The following RAD51B variants were observed in gnomAD, a reference collection of about 807,000 sequenced individuals.
RAD51B encodes DNA repair protein RAD51 homolog 2.
In RAD51B, 38 loss-of-function variants were observed where a neutral mutation model predicts 42.2. The observed-to-expected ratio is 0.90, with a 90% CI of 0.70 to 1.18. The LOEUF (loss-of-function observed/expected upper bound fraction) is 1.18. Among genes scored for constraint, RAD51B ranks in the 50% most tolerant of loss-of-function variants. The probability of loss-of-function intolerance (pLI) is 0.00; values close to 1 mark genes in which losing one functional copy is unlikely to be tolerated. For missense variants in RAD51B, 373 were observed against 400.7 expected, an observed-to-expected ratio of 0.93 and a Z score of 0.59; for synonymous variants, 154 against 145.2, an observed-to-expected ratio of 1.06 and a Z score of -0.43.
intron 7 of RAD51B, among the ~76,000 whole-genome samples, chr14:68,199,468 A>G (rs923289555): frequency 1.3e-5 from 2 of 152,206 alleles, no homozygotes; most frequent in Non-Finnish European, 1.5e-5. Flanking sequence ...TAGAGTTTAC[A>G]TTTATTCCCA....
At chr14:68,524,925 C>T (rs1007596261) in intron 10 of RAD51B, among the ~76,000 whole-genome samples, 3 of 152,250 alleles carry the variant, frequency 2.0e-5, no homozygotes, top group Non-Finnish European at 4.4e-5. Context: ...TCCACCCTTT[C>T]CATCTGTGGC....
At chr14:68,670,896 A>G (rs755916290) in intron 11 of RAD51B, among the ~76,000 whole-genome samples, 7 of 152,122 alleles carry the variant, frequency 4.6e-5, no homozygotes, top group Non-Finnish European at 8.8e-5. Context: ...TGGAAATGCT[A>G]CTAGCCAAGG....
At chr14:68,128,094 A>G (rs773836887) in intron 7 of RAD51B, among the ~76,000 whole-genome samples, 2 of 152,242 alleles carry the variant, frequency 1.3e-5, no homozygotes, top group African/African-American at 2.4e-5. Flanking sequence ...CTTGGGAAGT[A>G]TCACTGGGAC....
intron 7 of RAD51B, among the ~76,000 whole-genome samples, chr14:68,247,295 A>G (rs2080519901): frequency 6.6e-6 from 1 of 152,204 alleles, no homozygotes; most frequent in Non-Finnish European, 1.5e-5. Flanking sequence ...GACATTTCTG[A>G]AAATTACATT....
At chr14:68,017,990 A>AAATG (rs549912995) in intron 7 of RAD51B, among the ~76,000 whole-genome samples, 73 of 152,124 alleles carry the variant, frequency 4.8e-4, no homozygotes, top group African/African-American at 1.7e-3. Context: ...ATAAATAAAT[A>AAATG]AATAAATAAA....
At chr14:68,441,541 C>CAAAAAAAAAA (rs67477807) in intron 9 of RAD51B, among the ~76,000 whole-genome samples, 2 of 68,034 alleles carry the variant, frequency 2.9e-5, no homozygotes, top group Non-Finnish European at 5.1e-5. Context: ...GACTCCATCT[C>CAAAAAAAAAA]AAAAAAAAAA....
At chr14:68,499,922 T>C (rs180792630) in intron 10 of RAD51B, among the ~76,000 whole-genome samples, 6 of 152,320 alleles carry the variant, frequency 3.9e-5, no homozygotes, top group Admixed American at 3.9e-4. Context: ...TGTGACACTT[T>C]GTTGCTGCAG....
intron 8 of RAD51B, among the ~76,000 whole-genome samples, chr14:68,331,467 GT>G (rs2082351543): frequency 6.8e-6 from 1 of 147,404 alleles, no homozygotes; most frequent in South Asian, 2.2e-4. Context: ...AAGTCCATAT[GT>G]TGCTCCACAT....
chr14:67,877,907 C>T (rs1298013260), intron 5 of RAD51B, among the ~76,000 whole-genome samples: 6 of 152,172 alleles, frequency 3.9e-5, no homozygotes, highest in Non-Finnish European at 7.3e-5. Context: ...TCAAGCAGCC[C>T]TCCTGCTTCC....
chr14:67,947,308 A>G (rs2045429630), intron 7 of RAD51B, among the ~76,000 whole-genome samples: 1 of 152,202 alleles, frequency 6.6e-6, no homozygotes, highest in Non-Finnish European at 1.5e-5. Context: ...GGGGGTTAGG[A>G]AATAGTTTCC....
intron 7 of RAD51B, among the ~76,000 whole-genome samples, chr14:67,934,471 C>CA (rs1566966285): frequency 2.6e-5 from 4 of 151,912 alleles, no homozygotes; most frequent in Admixed American, 2.0e-4. Context: ...TGTTTCATTT[C>CA]TTTATTTATT....
At chr14:68,034,602 G>C (rs2140378036) in intron 7 of RAD51B, among the ~76,000 whole-genome samples, 1 of 152,122 alleles carries the variant, frequency 6.6e-6, no homozygotes, top group Admixed American at 6.5e-5. Context: ...TAAGAATGTT[G>C]AAAAGATAGT....
intron 7 of RAD51B, among the ~76,000 whole-genome samples, chr14:68,150,896 T>C (rs1040816160): frequency 1.3e-5 from 2 of 152,178 alleles, no homozygotes; most frequent in Non-Finnish European, 2.9e-5. Flanking sequence ...CACATAAATA[T>C]ACTTTAGTTA....
intron 9 of RAD51B, among the ~76,000 whole-genome samples, chr14:68,449,341 T>C (rs2085499163): frequency 1.3e-5 from 2 of 152,218 alleles, no homozygotes; most frequent in African/African-American, 4.8e-5. Flanking sequence ...CTCTAATTCT[T>C]CTACCTAGGG....
intron 7 of RAD51B, among the ~76,000 whole-genome samples, chr14:68,123,191 C>CTTTTTTT (rs541886088): frequency 1.8e-4 from 22 of 125,492 alleles, no homozygotes; most frequent in South Asian, 2.4e-4. Context: ...TTCTTTCTTT[C>CTTTTTTT]TTTTTTTTTT....
chr14:68,057,788 T>C (rs891116712), intron 7 of RAD51B, among the ~76,000 whole-genome samples: 2 of 151,404 alleles, frequency 1.3e-5, no homozygotes, highest in Admixed American at 6.6e-5. Flanking sequence ...TGCCATCTTA[T>C]CAAGTTCAAT....
chr14:68,077,826 C>T (rs776545228), intron 7 of RAD51B, among the ~76,000 whole-genome samples: 52 of 152,298 alleles, frequency 3.4e-4, no homozygotes, highest in Non-Finnish European at 6.8e-4. Flanking sequence ...TGTCGTGGCG[C>T]AAGCCTGTAA....
At chr14:68,032,035 TTGTGTCTG>T (rs370789141) in intron 7 of RAD51B, among the ~76,000 whole-genome samples, 41,226 of 151,910 alleles carry the variant, frequency 0.27, 7,266 homozygotes, top group African/African-American at 0.5. Flanking sequence ...CAATCAGGCT[TTGTGTCTG>T]ATTTGACTCA....
At chr14:67,864,954 TAAAAAAC>T in intron 4 of RAD51B, 42 bp from the exon 5 acceptor site, 4 of 1,331,354 alleles carry the variant, frequency 3.0e-6, no homozygotes, top group Non-Finnish European at 3.8e-6. Flanking sequence ...GATGTTTATC[TAAAAAAC>T]TTTTTTTTTT....
Sources: allele counts gnomAD v4.1 joint callset (sites outside exome capture counted in the v4.1 genomes callset), GRCh38; gene constraint gnomAD v4.1.1; transcripts MANE v1.5; gene names NCBI Gene and HGNC (gene_info 2026-07-23, HGNC 2026-07-21).